Variants in ZNF391 observed in about 807,000 individuals in gnomAD.
The protein encoded by ZNF391 is zinc finger protein 391.
For synonymous variants in ZNF391, 126 were observed against 142.1 expected (o/e 0.89, Z 0.80); for missense variants, 375 against 425.5 (o/e 0.88, Z 1.04).
Position 27,401,111 on chromosome 6 carries a change from T to C in ZNF391, c.741T>C (p.Asn247=). ...IQHQRIHTGE[N]PYECSKCGKA... is the part of the protein sequence containing the mutation. ...ATCAACGAATACACACTGGAGAGAA[T>C]CCCTATGAATGCAGTAAATGTGGAA... The change falls in exon 3 of 3, where the codon AAT becomes AAC. Residue 247 remains asparagine (N), a synonymous_variant. Coordinates refer to ENST00000244576, the MANE Select transcript of ZNF391 (RefSeq NM_001076781.3). 6.2e-7 allele frequency: 1 copy of C among 1,614,096 alleles called. No individual in the cohort carries two copies.
rs1278587944 is a variant in ZNF391, at chr6:27,403,031, C to A, written c.*1584C>A. The A allele has an allele frequency of 6.6e-6, 1 of 152,088 alleles. No homozygotes were observed. Among genetic ancestry groups the A allele is most frequent in the African/African-American group, 2.4e-5 (1 of 41,410 alleles). The allele number at this position is 152,088 out of a possible 1,614,324, so 9.4% of individuals were successfully genotyped here. ...TTTGATATGGATTAATAATTGATTTCTTTCTCTCTTTCTACTGCTGCTTCC... is the reference window on the plus strand; with the variant it reads ...TTTGATATGGATTAATAATTGATTTATTTCTCTCTTTCTACTGCTGCTTCC... On this transcript the variant is annotated 3_prime_UTR_variant, in exon 3 of 3. Transcript: ENST00000244576.
At chr6:27,386,051 A>G (rs1469936374), upstream of ZNF391, among the ~76,000 whole-genome samples, 7 of 152,190 alleles carry the variant, frequency 4.6e-5, no homozygotes, top group Non-Finnish European at 8.8e-5. Flanking sequence ...AAGAAATGCC[A>G]AGAGCAATTA....
At chr6:27,380,093 A>G (rs1761474360) in intron 1 of ZNF391, among the ~76,000 whole-genome samples, 1 of 152,192 alleles carries the variant, frequency 6.6e-6, no homozygotes, top group African/African-American at 2.4e-5. Flanking sequence ...CCCAGGAGTT[A>G]AAGACCAGTC....
At chr6:27,383,143 T>A (rs1761534795) in intron 1 of ZNF391, among the ~76,000 whole-genome samples, 1 of 148,386 alleles carries the variant, frequency 6.7e-6, no homozygotes, top group African/African-American at 2.5e-5. Flanking sequence ...AACACAAAAT[T>A]GAAAAGCAAA....
upstream of ZNF391, among the ~76,000 whole-genome samples, chr6:27,386,539 G>C (rs1387252849): frequency 1.1e-4 from 17 of 152,008 alleles, no homozygotes; most frequent in Admixed American, 1.1e-3. Flanking sequence ...AGAGTGTGGT[G>C]CTGGAATAAG....
At chr6:27,377,473 G>C (rs555605047) in intron 1 of ZNF391, among the ~76,000 whole-genome samples, 1 of 152,326 alleles carries the variant, frequency 6.6e-6, no homozygotes, top group African/African-American at 2.4e-5. Flanking sequence ...CACTGAGATA[G>C]ATGCATATCT....
At position 27,402,218 on chromosome 6, in the gene ZNF391, G is replaced by T. The variant is rs537001481; in HGVS notation, c.*771G>T. 2.0e-5 allele frequency: 3 copies of T among 151,984 alleles called. No homozygotes were observed. Among genetic ancestry groups the T allele is most frequent in the Non-Finnish European group, 2.9e-5 (2 of 67,954 alleles). The allele number at this position is 151,984 out of a possible 1,614,324, so 9.4% of individuals were successfully genotyped here. ...TTGGGAAAAAAAGTTGCCAAATGCT[G>T]TGCTGTTTTTTTTGTTTGTTTTTAA... On this transcript the variant is annotated 3_prime_UTR_variant, in exon 3 of 3. Transcript: ENST00000244576.
chr6:27,385,412 T>C (rs527339356), upstream of ZNF391, among the ~76,000 whole-genome samples: 7 of 152,200 alleles, frequency 4.6e-5, no homozygotes, highest in Admixed American at 1.3e-4. Context: ...ACTTTAAAGA[T>C]AAAGATACAT....
intron 1 of ZNF391, among the ~76,000 whole-genome samples, chr6:27,389,820 A>G (rs989565820): frequency 7.9e-5 from 12 of 152,238 alleles, no homozygotes; most frequent in African/African-American, 2.9e-4. Context: ...CCCCCAAAAA[A>G]GAGAAGTACT....
rs1761918056 is a variant in ZNF391 at position 27,400,307 on chromosome 6, G to A, written c.-64G>A. The A allele has an allele frequency of 3.8e-6, 5 of 1,326,156 alleles. No individual in the cohort carries two copies. In the Admixed American group the frequency reaches 1.1e-4, roughly 30 times the overall value. The allele number at this position is 1,326,156 out of a possible 1,614,324, so 82.1% of individuals were successfully genotyped here. ...ATGTCTTTCAGATAGGGGGATTTGA[G>A]CTGAACCAAAGCATCAACACCAATC... is the stretch of plus-strand genomic sequence containing the variant. On this transcript the variant is annotated 5_prime_UTR_variant, in exon 3 of 3. Transcript: ENST00000244576.
At chr6:27,393,873 G>T (rs1206501116) in intron 1 of ZNF391, among the ~76,000 whole-genome samples, 1 of 152,204 alleles carries the variant, frequency 6.6e-6, no homozygotes, top group African/African-American at 2.4e-5. Flanking sequence ...CTGCCCTAGG[G>T]ATCTGTGGAA....
Position 27,388,759 on chromosome 6 carries a change from A to C in ZNF391, c.-504A>C. On this transcript the variant is annotated 5_prime_UTR_variant, in exon 1 of 3. Transcript: ENST00000244576. ...CGCTGCTGATACGTTGCTCAGTCTC[A>C]GTGTGGTCTCTGTTTTGCAACTGGT... 2.5e-6 allele frequency: 1 copy of C among 395,230 alleles called. No homozygotes were observed. Among genetic ancestry groups the C allele is most frequent in the South Asian group, 1.8e-5 (1 of 55,116 alleles). The allele number at this position is 395,230 out of a possible 1,614,324, so 24.5% of individuals were successfully genotyped here.
At chr6:27,395,664 A>T (rs1761809309) in intron 1 of ZNF391, among the ~76,000 whole-genome samples, 1 of 152,190 alleles carries the variant, frequency 6.6e-6, no homozygotes, top group Non-Finnish European at 1.5e-5. Context: ...AATAAGCATG[A>T]GAGTGAACTT....
intron 1 of ZNF391, among the ~76,000 whole-genome samples, chr6:27,389,748 G>A (rs1442637662): frequency 1.3e-5 from 2 of 152,156 alleles, no homozygotes; most frequent in African/African-American, 2.4e-5. Flanking sequence ...AGGTTGGAGC[G>A]AGCAGAGACC....
intron 1 of ZNF391, among the ~76,000 whole-genome samples, chr6:27,397,756 A>G (rs1380919446): frequency 1.3e-5 from 2 of 152,042 alleles, no homozygotes; most frequent in East Asian, 1.9e-4. Flanking sequence ...CACCCCCCCA[A>G]GTAGCTGGGA....
In ZNF391 at chr6:27,400,546, G is replaced by C; in HGVS notation, c.176G>C (p.Gly59Ala). 6.2e-7 allele frequency: 1 copy of C among 1,614,164 alleles called. No individual in the cohort carries two copies. Among genetic ancestry groups the C allele is most frequent in the African/African-American group, 1.3e-5 (1 of 75,066 alleles). Residue 59 changes from glycine (G) to alanine (A), a missense_variant, in exon 3 of 3, where the codon GGC becomes GCC. Physicochemically the swap from Gly to Ala is moderately conservative, Grantham distance 60. Coordinates refer to ENST00000244576, the MANE Select transcript of ZNF391 (RefSeq NM_001076781.3). ...AAAGAAATTTTCACAGGGGAGGAAG[G>C]CCCTGAATCCAGTGAATTTAGTCTA... is the stretch of plus-strand genomic sequence containing the variant. ...TLKEIFTGEE[G>A]PESSEFSLSP...
In ZNF391 at chr6:27,401,237, C is replaced by G; in HGVS notation, c.867C>G (p.Ser289Arg). ...CSECGKVFSR[S>R]SSLTEHQRIH... ...AATGTGGGAAAGTGTTCAGTCGAAG[C>G]TCGTCTCTTACAGAACATCAGAGAA... is the stretch of plus-strand genomic sequence containing the variant. Residue 289 changes from serine to arginine, a missense_variant, in exon 3 of 3, where the codon AGC becomes AGG. Coordinates refer to ENST00000244576, the MANE Select transcript of ZNF391 (RefSeq NM_001076781.3). The G allele has an allele frequency of 6.2e-7, 1 of 1,614,142 alleles. No individual in the cohort carries two copies. Among genetic ancestry groups the G allele is most frequent in the Non-Finnish European group, 8.5e-7 (1 of 1,180,014 alleles).
Position 27,403,187 on chromosome 6 carries a change from G to A in ZNF391, c.*1740G>A, listed in dbSNP as rs1017869305. The stretch of plus-strand genomic sequence containing the variant: ...TTTCCCAGTGACCTCTGCCCCAAAT[G>A]TAAACTTCTTTAACCTAAAGGTCTT... On this transcript the variant is annotated 3_prime_UTR_variant, in exon 3 of 3. Coordinates refer to ENST00000244576, the MANE Select transcript of ZNF391 (RefSeq NM_001076781.3). The A allele has an allele frequency of 3.3e-5, 5 of 151,926 alleles. No homozygotes were observed. Among genetic ancestry groups the A allele is most frequent in the African/African-American group, 1.2e-4 (5 of 41,334 alleles). The allele number at this position is 151,926 out of a possible 1,614,324, so 9.4% of individuals were successfully genotyped here.
At chr6:27,377,611 C>A (rs970878769) in intron 1 of ZNF391, among the ~76,000 whole-genome samples, 2 of 152,214 alleles carry the variant, frequency 1.3e-5, no homozygotes, top group Non-Finnish European at 2.9e-5. Flanking sequence ...GTTGTCCTAC[C>A]TTTCCAGACC....
Sources: gnomAD v4.1 joint callset for allele counts (sites outside exome capture counted in the v4.1 genomes callset) on GRCh38, gnomAD v4.1.1 for gene constraint, MANE v1.5 for transcripts, NCBI Gene and HGNC (gene_info 2026-07-23, HGNC 2026-07-21) for gene names.